Variants in MAML2 observed in about 807,000 individuals in gnomAD.
The protein encoded by MAML2 is mastermind-like protein 2.
Under a neutral mutation model 96.1 loss-of-function variants are expected in MAML2, and 22 were observed. That is an observed-to-expected ratio of 0.23 (90% CI 0.16 to 0.33). The LOEUF (loss-of-function observed/expected upper bound fraction) is 0.33, where lower values mean the gene tolerates loss of function less well. Among genes scored for constraint, MAML2 ranks in the 10% least tolerant of loss-of-function variants. The pLI, the probability that MAML2 is intolerant of heterozygous loss-of-function variation, is 1.00. For missense variants in MAML2, 1,367 were observed against 1,392.4 expected, an observed-to-expected ratio of 0.98 and a Z score of 0.29; for synonymous variants, 561 against 521.3, an observed-to-expected ratio of 1.08 and a Z score of -1.04.
intron 1 of MAML2, among the ~76,000 whole-genome samples, chr11:96,199,697 T>G (rs1861787962): frequency 6.6e-6 from 1 of 152,168 alleles, no homozygotes; most frequent in Non-Finnish European, 1.5e-5. Context: ...GGTTTCCACA[T>G]CCAATAAATA....
intron 2 of MAML2, among the ~76,000 whole-genome samples, chr11:96,036,810 T>G (rs1590974104): frequency 6.6e-6 from 1 of 152,194 alleles, no homozygotes; most frequent in African/African-American, 2.4e-5. Flanking sequence ...TGACAGTATA[T>G]TTCTAATTTC....
At chr11:96,138,404 G>A (rs1363550683) in intron 1 of MAML2, among the ~76,000 whole-genome samples, 1 of 152,140 alleles carries the variant, frequency 6.6e-6, no homozygotes, top group Non-Finnish European at 1.5e-5. Context: ...GTGGCCAAAG[G>A]AAGTTATTTA....
At chr11:96,083,001 T>G (rs1859551783) in intron 2 of MAML2, among the ~76,000 whole-genome samples, 1 of 151,654 alleles carries the variant, frequency 6.6e-6, no homozygotes, top group Admixed American at 6.6e-5. Flanking sequence ...AAGGAGAGAG[T>G]AAAGATGTAA....
intron 1 of MAML2, among the ~76,000 whole-genome samples, chr11:96,201,671 G>A (rs971984962): frequency 4.6e-5 from 7 of 152,238 alleles, no homozygotes; most frequent in Non-Finnish European, 4.4e-5. Flanking sequence ...TGTAATCCCA[G>A]CACTTTGGGA....
intron 2 of MAML2, among the ~76,000 whole-genome samples, chr11:96,060,747 TA>T (rs1859144639): frequency 6.6e-6 from 1 of 152,208 alleles, no homozygotes. Flanking sequence ...TCTTTGGCAA[TA>T]AAATCACCTC....
chr11:96,043,458 C>T (rs572333953), intron 2 of MAML2, among the ~76,000 whole-genome samples: 38 of 152,342 alleles, frequency 2.5e-4, no homozygotes, highest in African/African-American at 8.9e-4. Context: ...GAAAGAGCTA[C>T]AAGGGCTGCC....
chr11:96,139,749 C>G (rs1860702661), intron 1 of MAML2, among the ~76,000 whole-genome samples: 1 of 151,940 alleles, frequency 6.6e-6, no homozygotes, highest in Non-Finnish European at 1.5e-5. Flanking sequence ...TTCATAAAGA[C>G]AGTGCAGAAG....
chr11:96,149,647 G>A (rs1401759938), intron 1 of MAML2, among the ~76,000 whole-genome samples: 2 of 151,732 alleles, frequency 1.3e-5, no homozygotes, highest in African/African-American at 4.8e-5. Flanking sequence ...CAGGAGAATT[G>A]CTTTTGAACC....
chr11:96,041,208 A>T (rs1858802377), intron 2 of MAML2, among the ~76,000 whole-genome samples: 1 of 151,748 alleles, frequency 6.6e-6, no homozygotes, highest in Non-Finnish European at 1.5e-5. Flanking sequence ...GTGATATTCA[A>T]GGCCAGGTGT....
At chr11:96,079,457 T>C (rs568996031) in intron 2 of MAML2, among the ~76,000 whole-genome samples, 1 of 152,254 alleles carries the variant, frequency 6.6e-6, no homozygotes, top group East Asian at 1.9e-4. Flanking sequence ...ATGGCAAGAA[T>C]CAGATAAACA....
chr11:96,243,229 A>G (rs994829229), intron 1 of MAML2, among the ~76,000 whole-genome samples: 8 of 152,166 alleles, frequency 5.3e-5, no homozygotes, highest in African/African-American at 1.9e-4. Context: ...AATTCTGGAA[A>G]ACCTCAAGCT....
At chr11:96,228,155 TACTGATTG>T (rs1190777863) in intron 1 of MAML2, among the ~76,000 whole-genome samples, 2 of 152,162 alleles carry the variant, frequency 1.3e-5, no homozygotes, top group African/African-American at 4.8e-5. Flanking sequence ...GGAGAGAAAG[TACTGATTG>T]AGTCTATCTC....
At position 96,342,452 on chromosome 11, in the gene MAML2, A is replaced by C. The variant is rs1864011378; in HGVS notation, c.-557T>G. On this transcript the variant is annotated 5_prime_UTR_variant, in exon 1 of 5. Transcript: ENST00000524717. ...CCTTGACTTTTCCTCAGGTTAAATA[A>C]AAAACCAAAACAAAACAAAACAGTG... 1 of 398,612 alleles carries C rather than the reference A, an allele frequency of 2.5e-6. No individual in the cohort carries two copies. The highest frequency in any genetic ancestry group is 2.1e-5 in the African/African-American group (1 of 48,640). 24.7% of individuals were successfully genotyped at this position (398,612 alleles called of 1,614,324 possible).
chr11:96,183,786 C>G (rs768720996), intron 1 of MAML2, among the ~76,000 whole-genome samples: 4 of 152,146 alleles, frequency 2.6e-5, no homozygotes, highest in Non-Finnish European at 4.4e-5. Flanking sequence ...TACAGAGTTC[C>G]ACATACTCCC....
chr11:96,097,484 T>C (rs1009878699), intron 1 of MAML2, among the ~76,000 whole-genome samples: 1 of 152,034 alleles, frequency 6.6e-6, no homozygotes, highest in Non-Finnish European at 1.5e-5. Context: ...GCCTGAATCT[T>C]CCAGAAAACA....
intron 2 of MAML2, among the ~76,000 whole-genome samples, chr11:96,003,614 A>T (rs548639757): frequency 2.6e-5 from 4 of 152,274 alleles, no homozygotes; most frequent in African/African-American, 9.6e-5. Flanking sequence ...TCAAATTCCA[A>T]CTTTGGTTTT....
At chr11:96,254,557 T>C (rs539438064) in intron 1 of MAML2, among the ~76,000 whole-genome samples, 2 of 151,700 alleles carry the variant, frequency 1.3e-5, no homozygotes, top group Non-Finnish European at 2.9e-5. Context: ...GTTGATATTC[T>C]GGCTTTACAT....
chr11:96,320,367 C>T (rs180793440), intron 1 of MAML2, among the ~76,000 whole-genome samples: 1 of 152,336 alleles, frequency 6.6e-6, no homozygotes, highest in Admixed American at 6.5e-5. Context: ...AGCAACTCTG[C>T]TCAGCTGACT....
intron 1 of MAML2, among the ~76,000 whole-genome samples, chr11:96,340,045 C>T (rs1425542621): frequency 6.6e-6 from 1 of 152,150 alleles, no homozygotes; most frequent in Non-Finnish European, 1.5e-5. Flanking sequence ...TCCTAGGTAG[C>T]CCAAGTAAAT....
Sources: allele counts gnomAD v4.1 joint callset (sites outside exome capture counted in the v4.1 genomes callset), GRCh38; gene constraint gnomAD v4.1.1; transcripts MANE v1.5; gene names NCBI Gene and HGNC (gene_info 2026-07-23, HGNC 2026-07-21).